FGF13: variants seen among roughly 807,000 people sequenced by gnomAD.
FGF13 encodes the protein fibroblast growth factor 13, also known as fibroblast growth factor homologous factor 2.
A neutral mutation model predicts 19.5 loss-of-function variants in FGF13; 2 were observed. That is an observed-to-expected ratio of 0.10 (90% CI 0.04 to 0.32). FGF13 has a LOEUF of 0.32. FGF13 is among the 10% of genes least tolerant of loss of function. The pLI, the probability that FGF13 is intolerant of heterozygous loss-of-function variation, is 1.00. For missense variants in FGF13, 113 were observed against 192.7 expected (o/e 0.59, Z 2.45); for synonymous variants, 72 against 76.9 (o/e 0.94, Z 0.33).
Position 138,931,302 on chromosome X carries a change from G to A in FGF13, c.-112-66652C>T, listed in dbSNP as rs1258401960. Reference sequence around the variant, plus strand: ...ACTTTTCCCTAGGCAGCAGGGCTGTGGGCCCATCTACAGCTAGGGAGTAGA... The same window carrying A: ...ACTTTTCCCTAGGCAGCAGGGCTGTAGGCCCATCTACAGCTAGGGAGTAGA... On this transcript the variant is annotated intron_variant, in intron 1 of 2. Transcript: ENST00000421460. Among the ~76,000 whole-genome samples the A allele has an allele frequency of 7.2e-5, 8 of 110,925 alleles. No individual in the cohort carries two copies. In the Admixed American group the frequency reaches 7.6e-4, roughly 11 times the overall value.
In FGF13 at chrX:138,628,212, A is replaced by G. The variant is rs1051354406; in HGVS notation, c.*4638T>C. 7.1e-5 allele frequency: 8 copies of G among 112,145 alleles called. No individual in the cohort carries two copies. Among genetic ancestry groups the G allele is most frequent in the African/African-American group, 2.6e-4 (8 of 30,849 alleles). 9.2% of individuals were successfully genotyped at this position (112,145 alleles called of 1,213,427 possible). On this transcript the variant is annotated 3_prime_UTR_variant, in exon 5 of 5. Transcript: ENST00000315930. The stretch of plus-strand genomic sequence containing the variant: ...GTAGCATTCTCAATCGTGTGAAACC[A>G]TGAGACCACATCTTTGTGGACAGAG...
At chrX:138,775,647 C>G (rs2090581953) in intron 3 of FGF13, among the ~76,000 whole-genome samples, 1 of 111,723 alleles carries the variant, frequency 9.0e-6, no homozygotes, top group Non-Finnish European at 1.9e-5. Flanking sequence ...AAATATAACC[C>G]AGTTCTCACT....
At chrX:138,902,386 G>A (rs2091535835) in intron 1 of FGF13, among the ~76,000 whole-genome samples, 1 of 111,954 alleles carries the variant, frequency 8.9e-6, no homozygotes, top group South Asian at 3.7e-4. Context: ...ACTTATTTGA[G>A]TAATTCAATC....
In FGF13 at chrX:139,000,170, T is replaced by C. The variant is rs9699190; in HGVS notation, c.-112-135520A>G. ...CTAAAAACTCTCAATAAACTAGTTA[T>C]TTTTGGAATGTATCTCAAAATAATA... On this transcript the variant is annotated intron_variant, in intron 1 of 2. Coordinates refer to the FGF13 transcript ENST00000421460. Among the ~76,000 whole-genome samples the C allele has an allele frequency of 5.6e-3, 631 of 112,056 alleles. 5 individuals carry two copies. The highest frequency in any genetic ancestry group is 0.019 in the African/African-American group (597 of 30,830).
At chrX:138,643,763 A>C (rs1280603004) in intron 3 of FGF13, among the ~76,000 whole-genome samples, 1 of 109,678 alleles carries the variant, frequency 9.1e-6, no homozygotes, top group Non-Finnish European at 1.9e-5. Flanking sequence ...CCCCTAAAAA[A>C]CCCCCTATTA....
At chrX:138,747,752 T>A (rs770699007) in intron 3 of FGF13, among the ~76,000 whole-genome samples, 2 of 111,272 alleles carry the variant, frequency 1.8e-5, no homozygotes, top group Non-Finnish European at 3.8e-5. Flanking sequence ...TCTCAACCCA[T>A]CTATCAGATG....
chrX:138,847,374 T>C (rs972344230), intron 3 of FGF13, among the ~76,000 whole-genome samples: 1 of 111,917 alleles, frequency 8.9e-6, no homozygotes, highest in Non-Finnish European at 1.9e-5. Flanking sequence ...CTCTCTTCCC[T>C]TTCCCTTTTG....
rs181366194 is a variant in FGF13, at chrX:139,024,222, T to A, written c.-112-159572A>T. 5.9e-4 allele frequency among the ~76,000 whole-genome samples: 66 copies of A among 111,429 alleles called. No individual in the cohort carries two copies. The East Asian group carries it at 0.015, about 25-fold the overall frequency. On this transcript the variant is annotated intron_variant, in intron 1 of 2. Coordinates refer to the FGF13 transcript ENST00000421460. Reference sequence around the variant, plus strand: ...AAGTCTCCCCTGTAAGCCATTTTTTTAAAAAGTCTGTTGCAATGTAAATAA... The same window carrying A: ...AAGTCTCCCCTGTAAGCCATTTTTTAAAAAAGTCTGTTGCAATGTAAATAA...
At chrX:138,740,256 T>A (rs1442327383), upstream of FGF13, among the ~76,000 whole-genome samples, 1 of 111,547 alleles carries the variant, frequency 9.0e-6, no homozygotes, top group Non-Finnish European at 1.9e-5. Flanking sequence ...AGAAAGGAAA[T>A]CTGTCTCAAG....
At chrX:138,816,322 T>C (rs749856670) in intron 3 of FGF13, among the ~76,000 whole-genome samples, 21 of 112,008 alleles carry the variant, frequency 1.9e-4, no homozygotes, top group African/African-American at 6.5e-4. Context: ...AAAAATTAAA[T>C]AGTGCAACCT....
chrX:138,985,004 C>T (rs184249333), intron 1 of FGF13: 49 of 358,783 alleles, frequency 1.4e-4, no homozygotes, highest in African/African-American at 1.2e-3. Flanking sequence ...CTTAATCATA[C>T]TAATGTCTCT....
chrX:139,123,074 C>T (rs184877361), intron 1 of FGF13, among the ~76,000 whole-genome samples: 2 of 110,600 alleles, frequency 1.8e-5, no homozygotes, highest in African/African-American at 3.3e-5. Context: ...AAATCACCCC[C>T]GTTGAGAACC....
chrX:138,886,042 G>A (rs1177636562), intron 1 of FGF13, among the ~76,000 whole-genome samples: 2 of 111,454 alleles, frequency 1.8e-5, no homozygotes, highest in Non-Finnish European at 3.8e-5. Flanking sequence ...ACCAAATCAA[G>A]TACAGTCATT....
rs1363399688 is a variant in FGF13 at position 139,065,646 on chromosome X, C to G, written c.-113+137770G>C. On this transcript the variant is annotated intron_variant, in intron 1 of 2. Coordinates refer to the FGF13 transcript ENST00000421460. The stretch of plus-strand genomic sequence containing the variant: ...TAACTATCCTAAATACATATGCACC[C>G]AAAACGGGAGTACCCAGATTCATAA... Among the ~76,000 whole-genome samples, 3 of 110,504 alleles carry G rather than the reference C, an allele frequency of 2.7e-5. No homozygotes were observed. The Admixed American group carries it at 2.9e-4, about 11-fold the overall frequency.
rs781132632 is a variant in FGF13, at chrX:139,193,769, T to A, written c.-113+9647A>T. On this transcript the variant is annotated intron_variant, in intron 1 of 2. Coordinates refer to the FGF13 transcript ENST00000421460. ...TATTATTATATCATTAATATAATTATGTATTTCCACTATAGATAAAAATAG... is the reference window on the plus strand; with the variant it reads ...TATTATTATATCATTAATATAATTAAGTATTTCCACTATAGATAAAAATAG... Among the ~76,000 whole-genome samples, 5 of 111,807 alleles carry A rather than the reference T, an allele frequency of 4.5e-5. No homozygotes were observed. In the Admixed American group the frequency reaches 4.7e-4, roughly 11 times the overall value.
In FGF13 at chrX:138,711,530, C is replaced by T. The variant is rs1390247407; in HGVS notation, c.-527G>A. 2 of 755,365 alleles carry T rather than the reference C, an allele frequency of 2.6e-6. No individual in the cohort carries two copies. Among genetic ancestry groups the T allele is most frequent in the African/African-American group, 2.3e-5 (1 of 43,732 alleles). The allele number at this position is 755,365 out of a possible 1,213,427, so 62.3% of individuals were successfully genotyped here. A position where few individuals can be genotyped will look rare whatever the true frequency, so the allele number is the denominator to read the frequency against. The stretch of plus-strand genomic sequence containing the variant: ...GGGGAGCGCGCCCTCGCCCTGGCCC[C>T]TCCGAGTCTTCGACTAGTCCTTGCA... On this transcript the variant is annotated 5_prime_UTR_variant, in exon 1 of 5. Coordinates refer to ENST00000315930, the MANE Select transcript of FGF13 (RefSeq NM_004114.5).
At chrX:139,164,004 C>T (rs1406785572) in intron 1 of FGF13, among the ~76,000 whole-genome samples, 2 of 110,791 alleles carry the variant, frequency 1.8e-5, no homozygotes, top group Non-Finnish European at 3.8e-5. Context: ...CAACCAAAAC[C>T]GAAGTATTTA....
intron 3 of FGF13, among the ~76,000 whole-genome samples, chrX:138,698,396 T>C (rs1028720644): frequency 9.0e-6 from 1 of 111,651 alleles, no homozygotes; most frequent in South Asian, 3.8e-4. Flanking sequence ...AGAACGCTCT[T>C]CCAGGGATCA....
In FGF13 at chrX:138,614,858, T is replaced by C. The variant is rs1159963204; in HGVS notation, c.*17992A>G. ...TGGAATACTACACAGAAATTAAACATATTGCATTACTGATATACACAACAG... is the reference window on the plus strand; with the variant it reads ...TGGAATACTACACAGAAATTAAACACATTGCATTACTGATATACACAACAG... On this transcript the variant is annotated 3_prime_UTR_variant, in exon 5 of 5. Coordinates refer to ENST00000315930, the MANE Select transcript of FGF13 (RefSeq NM_004114.5). 8.9e-6 allele frequency: 1 copy of C among 112,070 alleles called. No homozygotes were observed. Among genetic ancestry groups the C allele is most frequent in the Non-Finnish European group, 1.9e-5 (1 of 53,217 alleles). The allele number at this position is 112,070 out of a possible 1,213,427, so 9.2% of individuals were successfully genotyped here. A position where few individuals can be genotyped will look rare whatever the true frequency, so the allele number is the denominator to read the frequency against.
Sources: gnomAD v4.1 joint callset for allele counts (sites outside exome capture counted in the v4.1 genomes callset) on GRCh38, gnomAD v4.1.1 for gene constraint, MANE v1.5 for transcripts, NCBI Gene and HGNC (gene_info 2026-07-23, HGNC 2026-07-21) for gene names.